Variants in ADGRF1 observed in about 807,000 individuals in gnomAD.
The protein encoded by ADGRF1 is adhesion G protein-coupled receptor F1, also known as G protein-coupled receptor 110.
In ADGRF1, 85 loss-of-function variants were observed where a neutral mutation model predicts 87.2. That is an observed-to-expected ratio of 0.97 (90% confidence interval 0.82 to 1.17). The LOEUF is 1.17. Ranked by LOEUF, ADGRF1 falls within the 50% of genes most tolerant of loss-of-function variation. The pLI is 0.00. For missense variants in ADGRF1, 1,169 were observed against 1,077.2 expected (o/e 1.09, Z -1.19); for synonymous variants, 430 against 408.8 (o/e 1.05, Z -0.63).
At chr6:47,019,770 A>G (rs1582164680) in intron 7 of ADGRF1, 12 of 984,784 alleles carry the variant, frequency 1.2e-5, no homozygotes, top group East Asian at 1.1e-4. Flanking sequence ...TCACAAGTCA[A>G]TTTCTCTGAC....
In ADGRF1 at chr6:47,010,228, G is replaced by T. The variant is rs752105985; in HGVS notation, c.1207C>A (p.Arg403=). 5 of 1,613,790 alleles carry T rather than the reference G, an allele frequency of 3.1e-6. No homozygotes were observed. The highest frequency in any genetic ancestry group is 1.3e-5 in the African/African-American group (1 of 74,918). The change falls in exon 11 of 15, where the codon CGG becomes AGG. Residue 403 remains arginine (R), a synonymous_variant. Coordinates refer to ENST00000371253, the MANE Select transcript of ADGRF1 (RefSeq NM_153840.4). ...ATGTTTTCTAATGTCTCTAGTAACC[G>T]TGAGCTGGCATACTTTTCTTCCCGC... ...LLREEKYASS[R]LLETLENIST...
Position 47,013,253 on chromosome 6 carries a change from G to T in ADGRF1, c.928-1058C>A, listed in dbSNP as rs139230303. 2.1e-3 allele frequency: 2,060 copies of T among 985,420 alleles called. 39 individuals carry two copies. In the African/African-American group the frequency reaches 0.032, roughly 15 times the overall value. 61.0% of individuals were successfully genotyped at this position (985,420 alleles called of 1,614,324 possible). A position where few individuals can be genotyped will look rare whatever the true frequency, so the allele number is the denominator to read the frequency against. ...ACTGACAATGCTGTTTTCTGTTCAA[G>T]CCACCTGGGATCTGCCTGGAGCGAA... On this transcript the variant is annotated intron_variant, in intron 9 of 14. Transcript: ENST00000371253.
At chr6:47,024,004 G>A (rs376185713) in intron 5 of ADGRF1, 40 bp downstream of exon 5, 2 of 1,569,022 alleles carry the variant, frequency 1.3e-6, no homozygotes, top group Non-Finnish European at 1.7e-6. Flanking sequence ...GCATGTTGGG[G>A]TGGGAGAAGC....
chr6:47,007,849 C>T (rs1464139631), intron 11 of ADGRF1, among the ~76,000 whole-genome samples: 1 of 152,176 alleles, frequency 6.6e-6, no homozygotes, highest in African/African-American at 2.4e-5. Flanking sequence ...AGACTGTACT[C>T]CTGCTCCCCA....
At chr6:47,020,045 T>C (rs573057157) in intron 7 of ADGRF1, 111 of 994,978 alleles carry the variant, frequency 1.1e-4, no homozygotes, top group Middle Eastern at 1.0e-3. Flanking sequence ...AAGGAGAAAA[T>C]CCACCCTTCG....
chr6:47,041,148 A>G (rs1278548671), intron 1 of ADGRF1, among the ~76,000 whole-genome samples: 2 of 152,254 alleles, frequency 1.3e-5, no homozygotes, highest in Non-Finnish European at 2.9e-5. Flanking sequence ...TCAATGTTTT[A>G]CTACTTGTCA....
chr6:47,012,901 C>G, intron 9 of ADGRF1: 2 of 598,916 alleles, frequency 3.3e-6, no homozygotes, highest in South Asian at 7.4e-5. Flanking sequence ...TCCCAAGTAG[C>G]TGGGATTACC....
At chr6:47,026,141 A>C (rs1182398192) in intron 3 of ADGRF1, 138 bp from the exon 4 acceptor site, 2 of 650,648 alleles carry the variant, frequency 3.1e-6, no homozygotes, top group Admixed American at 5.6e-5. Context: ...CTCTCATCCA[A>C]ACATGGACTA....
intron 7 of ADGRF1, chr6:47,018,411 A>G (rs1779943789): frequency 7.8e-7 from 1 of 1,285,472 alleles, no homozygotes; most frequent in Admixed American, 2.3e-5. Context: ...AATTCTTACT[A>G]CATTGAACTT....
At chr6:47,011,473 G>A (rs1372616617) in intron 10 of ADGRF1, among the ~76,000 whole-genome samples, 4 of 152,200 alleles carry the variant, frequency 2.6e-5, no homozygotes, top group African/African-American at 9.7e-5. Flanking sequence ...TCTAGGTACT[G>A]AGGTGATACC....
intron 1 of ADGRF1, among the ~76,000 whole-genome samples, chr6:47,039,187 T>C (rs1249556873): frequency 6.6e-6 from 1 of 152,220 alleles, no homozygotes; most frequent in East Asian, 1.9e-4. Context: ...TTTAGATTTG[T>C]GGACCTCTGG....
chr6:47,022,150 T>C lies in ADGRF1; in HGVS notation c.452-92A>G, dbSNP rs145143672. The C allele has an allele frequency of 5.3e-4, 392 of 745,346 alleles. 1 individual carries two copies. The African/African-American group carries it at 6.3e-3, about 12-fold the overall frequency. The allele number at this position is 745,346 out of a possible 1,614,324, so 46.2% of individuals were successfully genotyped here. Reference sequence around the variant, plus strand: ...ATTATAGAAGTACAATTCAGAGTCATCTATTCAACAGTGATGTTTCAAATT... The same window carrying C: ...ATTATAGAAGTACAATTCAGAGTCACCTATTCAACAGTGATGTTTCAAATT... On this transcript the variant is annotated intron_variant, in intron 5 of 14. Coordinates refer to ENST00000371253, the MANE Select transcript of ADGRF1 (RefSeq NM_153840.4).
In ADGRF1 at chr6:46,997,825, C is replaced by G. The variant is rs1220005243; in HGVS notation, c.*2397G>C. The G allele has an allele frequency of 6.6e-6, 1 of 152,072 alleles. No individual in the cohort carries two copies. Among genetic ancestry groups the G allele is most frequent in the East Asian group, 1.9e-4 (1 of 5,190 alleles). 9.4% of individuals were successfully genotyped at this position (152,072 alleles called of 1,614,324 possible). A position where few individuals can be genotyped will look rare whatever the true frequency, so the allele number is the denominator to read the frequency against. On this transcript the variant is annotated 3_prime_UTR_variant, in exon 15 of 15. Transcript: ENST00000371253. ...TATCTGATCAAACATTTTTTTGTCT[C>G]TCATCATCCTCATAAAATTTATTCA...
chr6:47,039,577 G>A (rs1343885033), intron 1 of ADGRF1, among the ~76,000 whole-genome samples: 3 of 152,184 alleles, frequency 2.0e-5, no homozygotes, highest in Non-Finnish European at 4.4e-5. Context: ...CTTGAACCCA[G>A]CTGTGAATGG....
At chr6:47,023,991 G>T in intron 5 of ADGRF1, 53 bp downstream of exon 5, 1 of 1,510,778 alleles carries the variant, frequency 6.6e-7, no homozygotes. Flanking sequence ...TCCCCTCTCT[G>T]TTGCATGTTG....
chr6:47,026,071 C>A, intron 3 of ADGRF1, 68 bp from the exon 4 acceptor site: 2 of 1,373,288 alleles, frequency 1.5e-6, no homozygotes, highest in Non-Finnish European at 2.0e-6. Context: ...GAGGAAGTGA[C>A]TGAGAAACAA....
intron 7 of ADGRF1, chr6:47,018,311 T>A: frequency 9.6e-7 from 1 of 1,036,612 alleles, no homozygotes; most frequent in Non-Finnish European, 1.3e-6. Context: ...AGTGTATCAT[T>A]CCCATTTTAT....
intron 8 of ADGRF1, among the ~76,000 whole-genome samples, chr6:47,015,519 A>T (rs819493): frequency 0.42 from 63,127 of 151,380 alleles, 15,040 homozygotes; most frequent in African/African-American, 0.67. Flanking sequence ...CAAGTGATTC[A>T]CCTGCCTCAG....
In ADGRF1 at chr6:47,007,424, A is replaced by AAGAGACT. The variant is rs1211125477; in HGVS notation, c.2491-131_2491-130insAGTCTCT. The AAGAGACT allele has an allele frequency of 2.3e-3, 1,253 of 556,794 alleles. 14 individuals are homozygous for AAGAGACT. Among genetic ancestry groups the AAGAGACT allele is most frequent in the African/African-American group, 0.022 (1,137 of 51,586 alleles). The allele number at this position is 556,794 out of a possible 1,614,324, so 34.5% of individuals were successfully genotyped here. A position where few individuals can be genotyped will look rare whatever the true frequency, so the allele number is the denominator to read the frequency against. ...CTTGTCTGTCTCCTTAAGAGACTGT[A>AAGAGACT]GTCTCCTTGAAAGCAAGAACACCAT... On this transcript the variant is annotated intron_variant, in intron 11 of 14. Coordinates refer to ENST00000371253, the MANE Select transcript of ADGRF1 (RefSeq NM_153840.4).
Sources: allele counts gnomAD v4.1 joint callset (sites outside exome capture counted in the v4.1 genomes callset), GRCh38; gene constraint gnomAD v4.1.1; transcripts MANE v1.5; gene names NCBI Gene and HGNC (gene_info 2026-07-23, HGNC 2026-07-21).